CPEB3: variants seen among roughly 807,000 people sequenced by gnomAD.
The protein encoded by CPEB3 is cytoplasmic polyadenylation element-binding protein 3.
CPEB3 carries 20 observed loss-of-function variants against 67.2 expected under a neutral mutation model. That is an observed-to-expected ratio of 0.30 (90% CI 0.21 to 0.43). The LOEUF (loss-of-function observed/expected upper bound fraction) is 0.43. Ranked by LOEUF, CPEB3 falls within the 20% of genes least tolerant of loss-of-function variation. CPEB3 has a pLI of 1.00. For missense variants in CPEB3, 746 were observed against 968.6 expected (o/e 0.77, Z 3.05); for synonymous variants, 376 against 393.1 (o/e 0.96, Z 0.51).
At chr10:92,219,448 C>T (rs1021155355) in intron 2 of CPEB3, among the ~76,000 whole-genome samples, 5 of 152,186 alleles carry the variant, frequency 3.3e-5, no homozygotes, top group Admixed American at 1.3e-4. Flanking sequence ...CTTCAACCTT[C>T]CATTATACCT....
intron 2 of CPEB3, among the ~76,000 whole-genome samples, chr10:92,195,044 AAAACACACACACACAC>A (rs1477123901): frequency 4.0e-4 from 30 of 74,662 alleles, no homozygotes; most frequent in African/African-American, 1.1e-3. Context: ...ACTGTCTCAA[AAAACACACACACACAC>A]ACACACACAC....
chr10:92,236,895 T>C lies in CPEB3; in HGVS notation c.1005+2451A>G, dbSNP rs184609125. Among the ~76,000 whole-genome samples, 415 of 152,294 alleles carry C rather than the reference T, an allele frequency of 2.7e-3. 3 individuals carry two copies. Among genetic ancestry groups the C allele is most frequent in the Non-Finnish European group, 4.6e-3 (314 of 68,028 alleles). Reference sequence around the variant, plus strand: ...ATGGGTTTCTTTAAAAATTTTAACATACATTAGAGTAGATCACTGCAGAAA... The same window carrying C: ...ATGGGTTTCTTTAAAAATTTTAACACACATTAGAGTAGATCACTGCAGAAA... On this transcript the variant is annotated intron_variant, in intron 2 of 9. Transcript: ENST00000265997.
intron 2 of CPEB3, among the ~76,000 whole-genome samples, chr10:92,194,143 T>C (rs1465512101): frequency 6.6e-6 from 1 of 151,476 alleles, no homozygotes; most frequent in Non-Finnish European, 1.5e-5. Context: ...GGATACACTT[T>C]TTAAAAATAA....
intron 7 of CPEB3, among the ~76,000 whole-genome samples, chr10:92,094,601 CAA>C (rs762799879): frequency 1.6e-5 from 2 of 126,620 alleles, no homozygotes. Context: ...AACTCCCTTT[CAA>C]AAAAAAAAAA....
chr10:92,146,572 C>T (rs147184901), intron 4 of CPEB3, among the ~76,000 whole-genome samples: 76 of 152,106 alleles, frequency 5.0e-4, no homozygotes, highest in Middle Eastern at 3.4e-3. Context: ...AAATACTGAA[C>T]ATGTATTTCT....
chr10:92,080,809 A>G (rs1843121523), intron 9 of CPEB3, among the ~76,000 whole-genome samples: 1 of 151,772 alleles, frequency 6.6e-6, no homozygotes, highest in Non-Finnish European at 1.5e-5. Flanking sequence ...GTTAGCCAGG[A>G]TGGTTTGGTC....
intron 9 of CPEB3, among the ~76,000 whole-genome samples, chr10:92,076,924 A>G (rs1842959436): frequency 6.6e-6 from 1 of 151,728 alleles, no homozygotes. Flanking sequence ...GAGGAAGGAA[A>G]TGACTGTGGC....
intron 1 of CPEB3, among the ~76,000 whole-genome samples, chr10:92,255,052 T>C (rs11186877): frequency 1.3e-5 from 2 of 151,940 alleles, no homozygotes; most frequent in African/African-American, 2.4e-5. Flanking sequence ...TATTAGGTAG[T>C]AATGTCTCCA....
At chr10:92,228,030 A>T (rs1851073251) in intron 2 of CPEB3, among the ~76,000 whole-genome samples, 1 of 151,928 alleles carries the variant, frequency 6.6e-6, no homozygotes, top group African/African-American at 2.4e-5. Flanking sequence ...GGGACTACAG[A>T]CGTGCACCAC....
intron 2 of CPEB3, among the ~76,000 whole-genome samples, chr10:92,224,339 A>T (rs942071411): frequency 3.3e-5 from 5 of 152,214 alleles, no homozygotes; most frequent in African/African-American, 1.2e-4. Context: ...TCACCAACTT[A>T]AAAAAGCCTT....
intron 2 of CPEB3, chr10:92,216,333 T>C (rs748633356): frequency 1.0e-5 from 16 of 1,600,118 alleles, no homozygotes; most frequent in Non-Finnish European, 1.4e-5. Context: ...GCCGCTGCGA[T>C]GACCAAAATA....
At position 92,051,438 on chromosome 10, in the gene CPEB3, A is replaced by C. The variant is rs1341168328; in HGVS notation, c.*774T>G. ...CTGACTCTATCCCTAAAATCACAAA[A>C]GTGTGTTGTTGGGTTTTTGTGTTTA... On this transcript the variant is annotated 3_prime_UTR_variant, in exon 10 of 10. Transcript: ENST00000265997. 6.6e-6 allele frequency: 1 copy of C among 152,592 alleles called. No individual in the cohort carries two copies. The highest frequency in any genetic ancestry group is 2.4e-5 in the African/African-American group (1 of 41,458). The allele number at this position is 152,592 out of a possible 1,614,324, so 9.5% of individuals were successfully genotyped here. A position where few individuals can be genotyped will look rare whatever the true frequency, so the allele number is the denominator to read the frequency against.
intron 6 of CPEB3, among the ~76,000 whole-genome samples, chr10:92,115,107 G>A (rs572147058): frequency 1.3e-5 from 2 of 152,332 alleles, no homozygotes; most frequent in East Asian, 1.9e-4. Context: ...GGGCGCGGGA[G>A]GAGGAAGTAG....
At chr10:92,089,719 G>T (rs900762935) in intron 8 of CPEB3, among the ~76,000 whole-genome samples, 1 of 152,020 alleles carries the variant, frequency 6.6e-6, no homozygotes, top group African/African-American at 2.4e-5. Context: ...GGAGGTGGAG[G>T]TTGCAGTGAG....
chr10:92,176,860 G>A (rs941080660), intron 4 of CPEB3, among the ~76,000 whole-genome samples: 5 of 152,226 alleles, frequency 3.3e-5, no homozygotes, highest in African/African-American at 4.8e-5. Flanking sequence ...CAAACTTGTC[G>A]AACCTGCGTC....
At chr10:92,282,055 T>C (rs1185565835) in intron 1 of CPEB3, among the ~76,000 whole-genome samples, 1 of 152,208 alleles carries the variant, frequency 6.6e-6, no homozygotes, top group Non-Finnish European at 1.5e-5. Flanking sequence ...AAAATAATTC[T>C]TTACATATAC....
At chr10:92,263,320 C>T (rs1852894889) in intron 1 of CPEB3, among the ~76,000 whole-genome samples, 1 of 152,208 alleles carries the variant, frequency 6.6e-6, no homozygotes, top group Non-Finnish European at 1.5e-5. Context: ...AAGTGATCCG[C>T]CCAACTTGGC....
chr10:92,203,450 A>G (rs1407388886), intron 2 of CPEB3, among the ~76,000 whole-genome samples: 1 of 147,346 alleles, frequency 6.8e-6, no homozygotes, highest in African/African-American at 2.5e-5. Context: ...ATGTATATAT[A>G]TACGTATATA....
intron 9 of CPEB3, among the ~76,000 whole-genome samples, chr10:92,057,178 G>C (rs1313852464): frequency 6.6e-6 from 1 of 152,174 alleles, no homozygotes; most frequent in Admixed American, 6.5e-5. Flanking sequence ...CCAACTCTAG[G>C]ACTTGACTCT....
Sources: allele counts gnomAD v4.1 joint callset (sites outside exome capture counted in the v4.1 genomes callset), GRCh38; gene constraint gnomAD v4.1.1; transcripts MANE v1.5; gene names NCBI Gene and HGNC (gene_info 2026-07-23, HGNC 2026-07-21).